The following KIF13B variants were observed in gnomAD, a reference collection of about 807,000 sequenced individuals.
The protein encoded by KIF13B is kinesin family member 13B, also known as kinesin-like protein KIF13B.
In KIF13B, 127 loss-of-function variants were observed where a neutral mutation model predicts 222.0. The observed-to-expected ratio is 0.57, with a 90% CI of 0.50 to 0.66. KIF13B has a LOEUF of 0.66. Ranked by LOEUF, KIF13B falls within the 30% of genes least tolerant of loss-of-function variation. The probability of loss-of-function intolerance (pLI) is 0.00; values close to 1 mark genes in which losing one functional copy is unlikely to be tolerated. For missense variants in KIF13B, 2,173 were observed against 2,379.0 expected (o/e 0.91, Z 1.80); for synonymous variants, 976 against 919.0 (o/e 1.06, Z -1.12).
chr8:29,189,606 C>T (rs1813085666), intron 4 of KIF13B: 1 of 152,232 alleles, frequency 6.6e-6, no homozygotes, highest in Non-Finnish European at 1.5e-5. Flanking sequence ...ATATTCCTTT[C>T]CATCAAAAAG....
At chr8:29,251,172 A>C (rs1281928819) in intron 1 of KIF13B, among the ~76,000 whole-genome samples, 1 of 152,154 alleles carries the variant, frequency 6.6e-6, no homozygotes, top group Non-Finnish European at 1.5e-5. Flanking sequence ...AAGGCAAAAC[A>C]ATGATTAAAT....
chr8:29,123,324 G>A, intron 28 of KIF13B, 42 bp downstream of exon 28: 2 of 1,602,188 alleles, frequency 1.2e-6, no homozygotes, highest in Admixed American at 1.7e-5. Flanking sequence ...AAGTGGCTTG[G>A]TGAGCGTTCA....
At chr8:29,178,380 CA>C (rs895973623) in intron 8 of KIF13B, among the ~76,000 whole-genome samples, 2 of 151,964 alleles carry the variant, frequency 1.3e-5, no homozygotes, top group African/African-American at 4.8e-5. Flanking sequence ...CATTTCATGT[CA>C]GGTGTTATTA....
chr8:29,157,812 C>T (rs1811602992), intron 13 of KIF13B, among the ~76,000 whole-genome samples: 1 of 139,138 alleles, frequency 7.2e-6, no homozygotes, highest in Non-Finnish European at 1.5e-5. Context: ...ACCTGGGTGA[C>T]AGAACAAGAC....
chr8:29,258,391 T>C (rs918895044), intron 1 of KIF13B, among the ~76,000 whole-genome samples: 5 of 152,206 alleles, frequency 3.3e-5, no homozygotes, highest in Non-Finnish European at 7.3e-5. Flanking sequence ...CAATCTTGCT[T>C]TGGGATCTAG....
chr8:29,105,924 G>A (rs1162226541), intron 35 of KIF13B, among the ~76,000 whole-genome samples: 1 of 152,062 alleles, frequency 6.6e-6, no homozygotes, highest in Non-Finnish European at 1.5e-5. Context: ...CTCCCAAAGT[G>A]CTGGGATTAC....
chr8:29,125,952 C>G (rs1433451952), intron 26 of KIF13B, among the ~76,000 whole-genome samples: 1 of 151,814 alleles, frequency 6.6e-6, no homozygotes, highest in African/African-American at 2.4e-5. Flanking sequence ...AGTAAAGATA[C>G]AAAAAATTAG....
At chr8:29,149,079 C>A (rs527542448) in intron 15 of KIF13B, among the ~76,000 whole-genome samples, 7 of 151,952 alleles carry the variant, frequency 4.6e-5, no homozygotes, top group African/African-American at 1.7e-4. Flanking sequence ...TGAGTCTTCA[C>A]GGATAAGGAG....
intron 6 of KIF13B, among the ~76,000 whole-genome samples, chr8:29,183,441 C>T (rs956386923): frequency 5.1e-4 from 78 of 152,074 alleles, no homozygotes; most frequent in African/African-American, 1.8e-3. Context: ...TATGAGCCAC[C>T]GTGCCCAACC....
At chr8:29,119,025 A>T (rs1809733788) in intron 29 of KIF13B, 33 bp from the exon 30 acceptor site, 1 of 1,601,674 alleles carries the variant, frequency 6.2e-7, no homozygotes, top group Admixed American at 1.7e-5. Context: ...AAATACTGAG[A>T]TCATTTTCAA....
chr8:29,108,462 T>C (rs1174322736), intron 34 of KIF13B, among the ~76,000 whole-genome samples: 1 of 152,210 alleles, frequency 6.6e-6, no homozygotes, highest in Admixed American at 6.5e-5. Flanking sequence ...ACAAGAGATG[T>C]CGCGTTGGGT....
intron 2 of KIF13B, among the ~76,000 whole-genome samples, chr8:29,223,338 AAAAAAAAC>A (rs1814852965): frequency 6.6e-6 from 1 of 150,434 alleles, no homozygotes; most frequent in South Asian, 2.1e-4. Flanking sequence ...TCTCAAAAAA[AAAAAAAAC>A]AAAAAAATCT....
In KIF13B at chr8:29,071,791, C is replaced by A. The variant is rs981072011; in HGVS notation, c.5047G>T (p.Gly1683Trp). The part of the protein sequence containing the change: ...AEGNAPAPGA[G>W]GQALASDSEE... ...GAATCAGAGGCCAGGGCCTGTCCCC[C>A]GGCGCCCGGGGCCGGCGCATTCCCC... The change falls in exon 39 of 40, where the codon GGG becomes TGG. Residue 1683 changes from glycine to tryptophan, a missense_variant. By Grantham distance (184) the Gly-to-Trp change is radical. Around this residue, in one of 2 missense-constraint regions of KIF13B, gnomAD observed 693 missense variants for 656.2 expected, o/e 1.06. Transcript: ENST00000524189. This position sits in a 1 kb window ranked among gnomAD's most constrained non-coding sequence, Gnocchi z 4.9. 6 of 1,547,242 alleles carry A rather than the reference C, an allele frequency of 3.9e-6. No individual in the cohort carries two copies. Among genetic ancestry groups the A allele is most frequent in the African/African-American group, 1.4e-5 (1 of 73,002 alleles).
intron 1 of KIF13B, among the ~76,000 whole-genome samples, chr8:29,259,250 C>T (rs561279094): frequency 6.6e-6 from 1 of 152,198 alleles, no homozygotes; most frequent in South Asian, 2.1e-4. Flanking sequence ...GACATTATTA[C>T]ATACTTCTGT....
At chr8:29,116,759 C>G in intron 31 of KIF13B, 72 bp downstream of exon 31, 1 of 1,411,752 alleles carries the variant, frequency 7.1e-7, no homozygotes, top group South Asian at 1.4e-5. Context: ...AGAAGGTTAA[C>G]AGCAAGCACT....
At chr8:29,172,437 G>C (rs1812287916) in intron 10 of KIF13B, among the ~76,000 whole-genome samples, 1 of 152,098 alleles carries the variant, frequency 6.6e-6, no homozygotes, top group African/African-American at 2.4e-5. Flanking sequence ...AAACACATGA[G>C]TTATTTTTAA....
chr8:29,132,551 T>C (rs1056118894), intron 22 of KIF13B, 86 bp from the exon 23 acceptor site: 2 of 833,030 alleles, frequency 2.4e-6, no homozygotes, highest in Non-Finnish European at 3.3e-6. Context: ...TACTTAATTA[T>C]ATCAGGGAAA....
chr8:29,071,360 G>A lies in KIF13B; in HGVS notation c.5218+260C>T, dbSNP rs1043490577. Among the ~76,000 whole-genome samples, 3 of 152,246 alleles carry A rather than the reference G, an allele frequency of 2.0e-5. No homozygotes were observed. Among genetic ancestry groups the A allele is most frequent in the African/African-American group, 4.8e-5 (2 of 41,550 alleles). On this transcript the variant is annotated intron_variant, in intron 39 of 39. Transcript: ENST00000524189. The surrounding 1 kb of genome is among the most constrained non-coding windows in gnomAD (Gnocchi z 4.9). ...GGGCAGGGGAGACCGGAACAAAAGCGGGAACAGCCATGGCGATGGGGGGAT... is the reference window on the plus strand; with the variant it reads ...GGGCAGGGGAGACCGGAACAAAAGCAGGAACAGCCATGGCGATGGGGGGAT...
intron 28 of KIF13B, 71 bp downstream of exon 28, chr8:29,123,295 C>T: frequency 1.3e-6 from 2 of 1,575,076 alleles, no homozygotes; most frequent in South Asian, 1.1e-5. Flanking sequence ...GTAGCACACG[C>T]AAAATTCAAG....
Sources: gnomAD v4.1 joint callset for allele counts (sites outside exome capture counted in the v4.1 genomes callset) on GRCh38, gnomAD v4.1.1 for gene constraint, gnomAD v4.1.1 regional missense constraint, Gnocchi (gnomAD v3.1) non-coding constraint, MANE v1.5 for transcripts, NCBI Gene and HGNC (gene_info 2026-07-23, HGNC 2026-07-21) for gene names.